The following USP3 variants were observed in gnomAD, a reference collection of about 807,000 sequenced individuals.
The protein encoded by USP3 is ubiquitin specific peptidase 3.
USP3 carries 20 observed loss-of-function variants against 72.3 expected under a neutral mutation model. That is an observed-to-expected ratio of 0.28 (90% CI 0.19 to 0.40). The LOEUF (loss-of-function observed/expected upper bound fraction) is 0.40. USP3 is among the 10% of genes least tolerant of loss of function. USP3 has a pLI of 1.00. For synonymous variants in USP3, 222 were observed against 225.3 expected (o/e 0.99, Z 0.13); for missense variants, 479 against 633.9 (o/e 0.76, Z 2.62).
intron 8 of USP3, among the ~76,000 whole-genome samples, chr15:63,565,055 AT>A (rs200007301): frequency 0.022 from 3,297 of 152,122 alleles, 119 homozygotes; most frequent in African/African-American, 0.076. Context: ...TCCCAAAGAA[AT>A]TTTTTTTAGG....
At chr15:63,587,197 T>A (rs2067085798) in intron 11 of USP3, among the ~76,000 whole-genome samples, 1 of 152,012 alleles carries the variant, frequency 6.6e-6, no homozygotes, top group Non-Finnish European at 1.5e-5. Context: ...GGAAGGGGAA[T>A]TATCTTTGGT....
At position 63,570,698 on chromosome 15, in the gene USP3, T is replaced by C. The variant is rs2066766209; in HGVS notation, c.908+119T>C. On this transcript the variant is annotated intron_variant, in intron 9 of 14. Transcript: ENST00000380324. This position sits in a 1 kb window ranked among gnomAD's most constrained non-coding sequence, Gnocchi z 4.4. ...TTTCTTGGACATTTGCTGGAACTTT[T>C]CGTGCCCTTGAACTTTGTGACCCAG... 1.4e-6 allele frequency: 2 copies of C among 1,437,744 alleles called. No homozygotes were observed. The highest frequency in any genetic ancestry group is 1.9e-6 in the Non-Finnish European group (2 of 1,074,510). The allele number at this position is 1,437,744 out of a possible 1,614,324, so 89.1% of individuals were successfully genotyped here. A position where few individuals can be genotyped will look rare whatever the true frequency, so the allele number is the denominator to read the frequency against.
chr15:63,586,321 G>T (rs576402089), intron 11 of USP3, among the ~76,000 whole-genome samples: 2 of 152,146 alleles, frequency 1.3e-5, no homozygotes, highest in East Asian at 3.9e-4. Flanking sequence ...TTCATATATG[G>T]CCTTTGTCAT....
Position 63,590,998 on chromosome 15 carries a change from T to C in USP3, c.*172T>C, listed in dbSNP as rs1197872209. 6 of 752,858 alleles carry C rather than the reference T, an allele frequency of 8.0e-6. No homozygotes were observed. In the East Asian group the frequency reaches 1.9e-4, roughly 24 times the overall value. The allele number at this position is 752,858 out of a possible 1,614,324, so 46.6% of individuals were successfully genotyped here. A position where few individuals can be genotyped will look rare whatever the true frequency, so the allele number is the denominator to read the frequency against. ...CATGGGCACCAACTAATTTTGTTGT[T>C]GTTCTACCAGAAAACCTCAGCAGAT... On this transcript the variant is annotated 3_prime_UTR_variant, in exon 15 of 15. Transcript: ENST00000380324.
intron 2 of USP3, among the ~76,000 whole-genome samples, chr15:63,533,482 A>G (rs2066109473): frequency 1.3e-5 from 2 of 152,150 alleles, no homozygotes; most frequent in South Asian, 4.1e-4. Flanking sequence ...GTAGCAGCAC[A>G]TTTATTTCCA....
intron 11 of USP3, among the ~76,000 whole-genome samples, chr15:63,579,888 G>A (rs1291323399): frequency 6.6e-6 from 1 of 152,112 alleles, no homozygotes; most frequent in Non-Finnish European, 1.5e-5. Context: ...TGGTGAAAAG[G>A]GTAAAGATGG....
At chr15:63,523,992 A>T (rs1244631503) in intron 1 of USP3, among the ~76,000 whole-genome samples, 1 of 152,216 alleles carries the variant, frequency 6.6e-6, no homozygotes, top group African/African-American at 2.4e-5. Flanking sequence ...CTTTCTTAAG[A>T]ATCTTTACCT....
At chr15:63,582,021 T>C (rs577075052) in intron 11 of USP3, among the ~76,000 whole-genome samples, 60 of 152,370 alleles carry the variant, frequency 3.9e-4, no homozygotes, top group Non-Finnish European at 7.1e-4. Flanking sequence ...TACATATGTT[T>C]ATTGAAGAAT....
At chr15:63,582,931 G>C (rs896721555) in intron 11 of USP3, among the ~76,000 whole-genome samples, 5 of 152,156 alleles carry the variant, frequency 3.3e-5, no homozygotes, top group Admixed American at 3.3e-4. Flanking sequence ...AATGTTGATA[G>C]ATTCTTTCAG....
intron 5 of USP3, chr15:63,556,960 T>C: frequency 6.8e-6 from 3 of 443,876 alleles, no homozygotes; most frequent in African/African-American, 2.0e-5. Context: ...CCATCAGCGT[T>C]ACTGCTGTGC....
rs200524261 is a variant in USP3 at position 63,570,524 on chromosome 15, C to T, written c.853C>T (p.Arg285Cys). ...ELQGGFNGVS[R>C]SAILQENSTL... ...TCAGGGCGGTTTCAACGGTGTTTCC[C>T]GCTCAGCAATTCTGCAGGAGAATTC... The change falls in exon 9 of 15, where the codon CGC becomes TGC. Residue 285 changes from arginine (R) to cysteine (C), a missense_variant. Transcript: ENST00000380324. The surrounding 1 kb of genome is among the most constrained non-coding windows in gnomAD (Gnocchi z 4.4). The T allele has an allele frequency of 1.4e-5, 23 of 1,614,154 alleles. No homozygotes were observed. Among genetic ancestry groups the T allele is most frequent in the Non-Finnish European group, 1.7e-5 (20 of 1,180,004 alleles).
chr15:63,532,721 T>A lies in USP3; in HGVS notation c.152+14T>A. The A allele has an allele frequency of 2.5e-6, 4 of 1,613,600 alleles. No individual in the cohort carries two copies. Among genetic ancestry groups the A allele is most frequent in the Non-Finnish European group, 3.4e-6 (4 of 1,179,696 alleles). ...CCACTGTGGAAGGTAGGTGACATAC[T>A]TATTACTTCACTGACCTATTTGCTT... On this transcript the variant is annotated intron_variant, in intron 2 of 14. Coordinates refer to ENST00000380324, the MANE Select transcript of USP3 (RefSeq NM_006537.4).
intron 11 of USP3, among the ~76,000 whole-genome samples, chr15:63,586,237 G>A (rs1403539593): frequency 2.0e-5 from 3 of 152,164 alleles, no homozygotes; most frequent in Non-Finnish European, 4.4e-5. Context: ...GCAAAAGTGA[G>A]CATCCTTGTC....
intron 3 of USP3, among the ~76,000 whole-genome samples, chr15:63,540,591 T>C (rs2066230369): frequency 1.3e-5 from 2 of 152,184 alleles, no homozygotes; most frequent in Admixed American, 6.5e-5. Context: ...ACTTAAATCA[T>C]GATATAGGTG....
rs576680956 is a variant in USP3, at chr15:63,574,042, T to A, written c.909-4T>A. ...ATATTTTCCTGTGTGGTGATTTTGT[T>A]TAGAAATGGAGCATCTACTGTTGTC... On this transcript the variant is annotated splice_polypyrimidine_tract_variant and splice_region_variant and intron_variant, in intron 9 of 14. Coordinates refer to ENST00000380324, the MANE Select transcript of USP3 (RefSeq NM_006537.4). This position sits in a 1 kb window ranked among gnomAD's most constrained non-coding sequence, Gnocchi z 4.6. The A allele has an allele frequency of 6.4e-7, 1 of 1,555,754 alleles. No homozygotes were observed. Among genetic ancestry groups the A allele is most frequent in the East Asian group, 2.3e-5 (1 of 43,836 alleles).
chr15:63,581,881 C>T lies in USP3; in HGVS notation c.1097-6424C>T, dbSNP rs28512301. On this transcript the variant is annotated intron_variant, in intron 11 of 14. Coordinates refer to ENST00000380324, the MANE Select transcript of USP3 (RefSeq NM_006537.4). ...TGTATTTTTTGTAGACACAGGGTTT[C>T]ACCCTTTTGCCCAGGCTGGTCTTGA... Among the ~76,000 whole-genome samples, 141 of 151,122 alleles carry T rather than the reference C, an allele frequency of 9.3e-4. 1 individual carries two copies. Among genetic ancestry groups the T allele is most frequent in the African/African-American group, 3.3e-3 (136 of 41,120 alleles).
intron 11 of USP3, among the ~76,000 whole-genome samples, chr15:63,581,396 T>C (rs2066958917): frequency 8.7e-6 from 1 of 115,376 alleles, no homozygotes; most frequent in African/African-American, 3.3e-5. Flanking sequence ...TGTGTGTGTG[T>C]GTGTTTAGAT....
At chr15:63,578,610 T>A in intron 11 of USP3, among the ~76,000 whole-genome samples, 1 of 120,474 alleles carries the variant, frequency 8.3e-6, no homozygotes. Context: ...AGACTCCGTC[T>A]CAGAAAAAAA....
Position 63,553,992 on chromosome 15 carries a change from A to C in USP3, c.368+194A>C, listed in dbSNP as rs1243698791. On this transcript the variant is annotated intron_variant, in intron 4 of 14. Transcript: ENST00000380324. This position sits in a 1 kb window ranked among gnomAD's most constrained non-coding sequence, Gnocchi z 4.2. ...AGTTAATGGTCATAGCTGTGCATTT[A>C]TTTTATTTAATATTTGTCATAAACC... 1.3e-5 allele frequency among the ~76,000 whole-genome samples: 2 copies of C among 152,144 alleles called. No homozygotes were observed. The highest frequency in any genetic ancestry group is 2.9e-5 in the Non-Finnish European group (2 of 68,014).
Sources: allele counts gnomAD v4.1 joint callset (sites outside exome capture counted in the v4.1 genomes callset), GRCh38; gene constraint gnomAD v4.1.1; non-coding constraint Gnocchi (gnomAD v3.1); transcripts MANE v1.5; gene names NCBI Gene and HGNC (gene_info 2026-07-23, HGNC 2026-07-21).